The following CEP128 variants were observed in gnomAD, a reference collection of about 807,000 sequenced individuals.
CEP128 encodes centrosomal protein 128kDa.
Under a neutral mutation model 156.7 loss-of-function variants are expected in CEP128, and 132 were observed. The ratio of observed to expected loss-of-function variants is 0.84; its 90% CI spans 0.73 to 0.97. The LOEUF is 0.97. Among genes scored for constraint, CEP128 ranks in the 50% least tolerant of loss-of-function variants. CEP128 has a pLI of 0.00. For missense variants in CEP128, 1,252 were observed against 1,281.9 expected, an observed-to-expected ratio of 0.98 and a Z score of 0.36; for synonymous variants, 469 against 448.9, an observed-to-expected ratio of 1.04 and a Z score of -0.57.
At chr14:80,839,826 T>C (rs2140080135) in intron 10 of CEP128, among the ~76,000 whole-genome samples, 1 of 152,218 alleles carries the variant, frequency 6.6e-6, no homozygotes, top group East Asian at 1.9e-4. Flanking sequence ...AGAATCCACA[T>C]AAAATACTGT....
rs551775989 is a variant in CEP128, at chr14:80,682,626, T to C, written c.2806+60449A>G. On this transcript the variant is annotated intron_variant, in intron 19 of 24. Transcript: ENST00000555265. ...AAGATACTATACAAAATGAATATCA[T>C]CAAGGAATATAGTCAGCAGGATGTC... Among the ~76,000 whole-genome samples the C allele has an allele frequency of 1.2e-4, 18 of 152,188 alleles. 1 individual carries two copies. The South Asian group carries it at 2.3e-3, about 19-fold the overall frequency.
chr14:80,749,232 C>G (rs1265806842), intron 18 of CEP128, among the ~76,000 whole-genome samples: 1 of 152,066 alleles, frequency 6.6e-6, no homozygotes, highest in Non-Finnish European at 1.5e-5. Context: ...GGAGGTTTCT[C>G]AAAAAACTAA....
intron 8 of CEP128, among the ~76,000 whole-genome samples, chr14:80,878,112 G>A (rs1888369534): frequency 6.6e-6 from 1 of 152,118 alleles, no homozygotes; most frequent in South Asian, 2.1e-4. Flanking sequence ...CCCTCCCCCA[G>A]CAGGGACCCT....
intron 19 of CEP128, among the ~76,000 whole-genome samples, chr14:80,722,053 T>C (rs1897837729): frequency 6.6e-6 from 1 of 152,194 alleles, no homozygotes; most frequent in Admixed American, 6.5e-5. Flanking sequence ...TGCATTAAAA[T>C]GTTTTTGGTG....
At chr14:80,861,568 T>C (rs1344068613) in intron 9 of CEP128, among the ~76,000 whole-genome samples, 1 of 151,982 alleles carries the variant, frequency 6.6e-6, no homozygotes, top group Non-Finnish European at 1.5e-5. Flanking sequence ...AAACCCAAAA[T>C]GAAAGCCATT....
At chr14:80,917,339 T>C (rs554338925) in intron 2 of CEP128, among the ~76,000 whole-genome samples, 95 of 152,266 alleles carry the variant, frequency 6.2e-4, no homozygotes, top group African/African-American at 2.1e-3. Flanking sequence ...ACTAAGTAAG[T>C]TCAGAACAAA....
chr14:80,665,290 T>C (rs1895566533), intron 19 of CEP128, among the ~76,000 whole-genome samples: 1 of 152,080 alleles, frequency 6.6e-6, no homozygotes, highest in African/African-American at 2.4e-5. Context: ...AAACTACCAA[T>C]ATGAGACCCC....
intron 19 of CEP128, among the ~76,000 whole-genome samples, chr14:80,683,363 T>A (rs1013611871): frequency 1.1e-4 from 16 of 152,008 alleles, no homozygotes; most frequent in Admixed American, 9.8e-4. Flanking sequence ...AATGTTAAAA[T>A]GACAAAGAAG....
chr14:80,779,156 C>T (rs776341888), intron 15 of CEP128, among the ~76,000 whole-genome samples: 2 of 152,166 alleles, frequency 1.3e-5, no homozygotes, highest in Non-Finnish European at 2.9e-5. Flanking sequence ...AGTCTGTAAG[C>T]AATCACATTT....
chr14:80,581,649 T>C (rs972585599), intron 19 of CEP128, among the ~76,000 whole-genome samples: 1 of 152,192 alleles, frequency 6.6e-6, no homozygotes. Context: ...ATAGAGGAAC[T>C]GACTTTGGCT....
intron 19 of CEP128, among the ~76,000 whole-genome samples, chr14:80,618,134 T>G (rs75666834): frequency 0.053 from 7,999 of 152,314 alleles, 667 homozygotes; most frequent in African/African-American, 0.18. Flanking sequence ...ACATTCCCAT[T>G]TATATCTGTA....
intron 4 of CEP128, among the ~76,000 whole-genome samples, chr14:80,913,315 C>T (rs1045447615): frequency 2.6e-5 from 4 of 152,088 alleles, no homozygotes; most frequent in African/African-American, 4.8e-5. Context: ...CTATGGAATA[C>T]GGTATAACTG....
intron 13 of CEP128, among the ~76,000 whole-genome samples, chr14:80,828,596 A>G (rs1163475745): frequency 6.6e-6 from 1 of 152,232 alleles, no homozygotes; most frequent in Admixed American, 6.5e-5. Context: ...TAGGATTTCC[A>G]CAAAAAGAAA....
chr14:80,625,992 G>C (rs1033013955), intron 19 of CEP128, among the ~76,000 whole-genome samples: 1 of 152,138 alleles, frequency 6.6e-6, no homozygotes, highest in Non-Finnish European at 1.5e-5. Context: ...ATACTAAATG[G>C]TAACACTGGT....
At position 80,787,626 on chromosome 14, in the gene CEP128, T is replaced by C. The variant is rs540991494; in HGVS notation, c.1561-2081A>G. ...CCAAACTGGAGAACACAAGAACTGATAGAATCAAATTTGGGCTGTAAAGAT... is the reference window on the plus strand; with the variant it reads ...CCAAACTGGAGAACACAAGAACTGACAGAATCAAATTTGGGCTGTAAAGAT... On this transcript the variant is annotated intron_variant, in intron 14 of 24. Coordinates refer to ENST00000555265, the MANE Select transcript of CEP128 (RefSeq NM_152446.5). 3.3e-5 allele frequency among the ~76,000 whole-genome samples: 5 copies of C among 152,148 alleles called. No homozygotes were observed. The South Asian group carries it at 1.0e-3, about 32-fold the overall frequency.
chr14:80,899,839 C>T, intron 7 of CEP128, 99 bp downstream of exon 7: 2 of 850,132 alleles, frequency 2.4e-6, no homozygotes, highest in Non-Finnish European at 1.9e-6. Flanking sequence ...TATACAAACA[C>T]AACATTTTTT....
intron 19 of CEP128, among the ~76,000 whole-genome samples, chr14:80,678,049 A>AAAATATAT: frequency 2.5e-4 from 25 of 98,500 alleles, no homozygotes; most frequent in African/African-American, 6.0e-4. Context: ...ATAAAAAAAA[A>AAAATATAT]ATATATATAT....
chr14:80,491,758 C>G (rs1245664996), downstream of CEP128, among the ~76,000 whole-genome samples: 1 of 152,192 alleles, frequency 6.6e-6, no homozygotes, highest in Non-Finnish European at 1.5e-5. Flanking sequence ...CAACTTTCAT[C>G]AGAAATGTGA....
In CEP128 at chr14:80,735,279, C is replaced by A. The variant is rs1033505294; in HGVS notation, c.2806+7796G>T. Among the ~76,000 whole-genome samples the A allele has an allele frequency of 3.3e-5, 5 of 152,228 alleles. No individual in the cohort carries two copies. The South Asian group carries it at 1.0e-3, about 32-fold the overall frequency. ...AAGCCAATAAGGACTGTCTCCATTTCGGGTTCACTCATAATCCATGTAACT... is the reference window on the plus strand; with the variant it reads ...AAGCCAATAAGGACTGTCTCCATTTAGGGTTCACTCATAATCCATGTAACT... On this transcript the variant is annotated intron_variant, in intron 19 of 24. Coordinates refer to ENST00000555265, the MANE Select transcript of CEP128 (RefSeq NM_152446.5).
Sources: allele counts gnomAD v4.1 joint callset (sites outside exome capture counted in the v4.1 genomes callset), GRCh38; gene constraint gnomAD v4.1.1; transcripts MANE v1.5; gene names NCBI Gene and HGNC (gene_info 2026-07-23, HGNC 2026-07-21).